ARHGAP18: variants seen among roughly 807,000 people sequenced by gnomAD.
The protein encoded by ARHGAP18 is rho GTPase-activating protein 18.
Under a neutral mutation model 86.2 loss-of-function variants are expected in ARHGAP18, and 67 were observed. That is an observed-to-expected ratio of 0.78 (90% CI 0.64 to 0.95). The LOEUF (loss-of-function observed/expected upper bound fraction) is 0.95. ARHGAP18 is among the 40% of genes least tolerant of loss of function. The pLI, the probability that ARHGAP18 is intolerant of heterozygous loss-of-function variation, is 0.00. For synonymous variants in ARHGAP18, 283 were observed against 280.4 expected (o/e 1.01, Z -0.09); for missense variants, 691 against 780.4 (o/e 0.89, Z 1.37).
chr6:129,702,236 C>CA (rs796868815), intron 1 of ARHGAP18, among the ~76,000 whole-genome samples: 34 of 151,434 alleles, frequency 2.2e-4, no homozygotes, highest in African/African-American at 7.5e-4. Flanking sequence ...TTATTTCTTG[C>CA]AAAAAAAAGG....
intron 1 of ARHGAP18, among the ~76,000 whole-genome samples, chr6:129,692,692 C>T (rs1774547692): frequency 6.6e-6 from 1 of 152,156 alleles, no homozygotes; most frequent in African/African-American, 2.4e-5. Context: ...TACAGGGACA[C>T]CTTGGCCTGG....
chr6:129,631,840 T>G (rs999310354), intron 4 of ARHGAP18, among the ~76,000 whole-genome samples: 2 of 152,070 alleles, frequency 1.3e-5, no homozygotes, highest in African/African-American at 4.8e-5. Flanking sequence ...ATATAAAAGT[T>G]TAAAAAATTA....
chr6:129,626,956 T>C (rs939789344), intron 5 of ARHGAP18, among the ~76,000 whole-genome samples: 1 of 152,050 alleles, frequency 6.6e-6, no homozygotes, highest in Non-Finnish European at 1.5e-5. Context: ...AATGAACACT[T>C]CTAGAGTCCT....
chr6:129,583,240 G>T (rs1407430798), intron 13 of ARHGAP18, among the ~76,000 whole-genome samples: 1 of 152,156 alleles, frequency 6.6e-6, no homozygotes, highest in East Asian at 1.9e-4. Context: ...TGAAAATGAG[G>T]CTGGAGGAGG....
intron 1 of ARHGAP18, among the ~76,000 whole-genome samples, chr6:129,674,473 A>T (rs900711582): frequency 1.3e-5 from 2 of 152,260 alleles, no homozygotes; most frequent in Non-Finnish European, 2.9e-5. Flanking sequence ...CTCCACGTCC[A>T]TGAGTTCCAC....
At chr6:129,613,577 C>A (rs1052298524) in intron 7 of ARHGAP18, among the ~76,000 whole-genome samples, 1 of 152,162 alleles carries the variant, frequency 6.6e-6, no homozygotes, top group African/African-American at 2.4e-5. Context: ...TTCTAAATAA[C>A]TGAATGAGCG....
At chr6:129,601,980 A>G (rs1430570850) in intron 10 of ARHGAP18, among the ~76,000 whole-genome samples, 1 of 152,108 alleles carries the variant, frequency 6.6e-6, no homozygotes, top group Admixed American at 6.6e-5. Flanking sequence ...AGAACAGGTT[A>G]GGTTATGCTC....
chr6:129,702,829 G>A (rs376121262), intron 1 of ARHGAP18, among the ~76,000 whole-genome samples: 20 of 152,146 alleles, frequency 1.3e-4, no homozygotes, highest in East Asian at 9.6e-4. Context: ...GCAAAACCCC[G>A]TCTCTACTGA....
At chr6:129,582,362 G>A (rs1003985449) in intron 13 of ARHGAP18, among the ~76,000 whole-genome samples, 2 of 152,142 alleles carry the variant, frequency 1.3e-5, no homozygotes, top group African/African-American at 2.4e-5. Context: ...AGCAAGTAGA[G>A]GAACAAAAGT....
chr6:129,654,425 A>C (rs1179180786), intron 1 of ARHGAP18, among the ~76,000 whole-genome samples: 1 of 152,132 alleles, frequency 6.6e-6, no homozygotes, highest in African/African-American at 2.4e-5. Flanking sequence ...ATCCTTAAGA[A>C]ATATCTCTAC....
intron 11 of ARHGAP18, among the ~76,000 whole-genome samples, chr6:129,600,299 C>T (rs2042848708): frequency 2.0e-5 from 3 of 152,038 alleles, no homozygotes; most frequent in Admixed American, 6.6e-5. Flanking sequence ...AAGATGTTCT[C>T]AGTTAATAAG....
intron 1 of ARHGAP18, among the ~76,000 whole-genome samples, chr6:129,681,471 G>A (rs548225733): frequency 6.6e-6 from 1 of 152,304 alleles, no homozygotes; most frequent in South Asian, 2.1e-4. Flanking sequence ...ATAATTCAAT[G>A]ACTGCTTGTA....
intron 1 of ARHGAP18, among the ~76,000 whole-genome samples, chr6:129,701,928 A>T (rs949210766): frequency 6.6e-6 from 1 of 152,230 alleles, no homozygotes; most frequent in Non-Finnish European, 1.5e-5. Flanking sequence ...GCCAGTGGGT[A>T]GAAAAGAATT....
rs181445003 is a variant in ARHGAP18 at position 129,703,461 on chromosome 6, G to A, written c.113+6563C>T. Among the ~76,000 whole-genome samples, 18 of 152,326 alleles carry A rather than the reference G, an allele frequency of 1.2e-4. No individual in the cohort carries two copies. In the East Asian group the frequency reaches 1.9e-3, roughly 16 times the overall value. ...ACAATGCAGAAGTAATAAATGTGCCGTGGACAACAAAGCAAATGTTCAACA... is the reference window on the plus strand; with the variant it reads ...ACAATGCAGAAGTAATAAATGTGCCATGGACAACAAAGCAAATGTTCAACA... On this transcript the variant is annotated intron_variant, in intron 1 of 14. Transcript: ENST00000368149.
intron 12 of ARHGAP18, 171 bp downstream of exon 12, chr6:129,599,045 G>A: frequency 1.9e-6 from 1 of 519,272 alleles, no homozygotes; most frequent in Non-Finnish European, 3.2e-6. Flanking sequence ...TGTCAATACT[G>A]ATCATTAGCA....
intron 1 of ARHGAP18, among the ~76,000 whole-genome samples, chr6:129,642,339 C>A (rs1773486167): frequency 6.6e-6 from 1 of 152,122 alleles, no homozygotes; most frequent in Non-Finnish European, 1.5e-5. Flanking sequence ...GGTTTGAGTG[C>A]ACCAATGTGA....
chr6:129,622,278 T>C (rs1245459560), intron 5 of ARHGAP18, among the ~76,000 whole-genome samples: 1 of 152,234 alleles, frequency 6.6e-6, no homozygotes, highest in Non-Finnish European at 1.5e-5. Context: ...TTCCCATGTT[T>C]GGTCCTATAT....
intron 1 of ARHGAP18, among the ~76,000 whole-genome samples, chr6:129,703,098 T>G (rs965926405): frequency 2.0e-5 from 3 of 152,182 alleles, no homozygotes; most frequent in African/African-American, 7.2e-5. Context: ...GAGGGAACTA[T>G]CCCTGTGGCC....
intron 5 of ARHGAP18, among the ~76,000 whole-genome samples, chr6:129,628,114 T>C (rs1207286082): frequency 1.3e-5 from 2 of 152,160 alleles, no homozygotes; most frequent in African/African-American, 2.4e-5. Flanking sequence ...GCATAATAAA[T>C]GTATTTTTTA....
Sources: gnomAD v4.1 joint callset for allele counts (sites outside exome capture counted in the v4.1 genomes callset) on GRCh38, gnomAD v4.1.1 for gene constraint, MANE v1.5 for transcripts, NCBI Gene and HGNC (gene_info 2026-07-23, HGNC 2026-07-21) for gene names.